The following LPP variants were observed in gnomAD, a reference collection of about 807,000 sequenced individuals.
The protein encoded by LPP is LIM domain containing preferred translocation partner in lipoma, also known as lipoma-preferred partner.
LPP carries 38 observed loss-of-function variants against 60.4 expected under a neutral mutation model. That is an observed-to-expected ratio of 0.63 (90% CI 0.49 to 0.83). LPP has a LOEUF of 0.83. Ranked by LOEUF, LPP falls within the 40% of genes least tolerant of loss-of-function variation. The pLI, the probability that LPP is intolerant of heterozygous loss-of-function variation, is 0.00. For synonymous variants in LPP, 328 were observed against 290.8 expected, an observed-to-expected ratio of 1.13 and a Z score of -1.30; for missense variants, 902 against 783.6, an observed-to-expected ratio of 1.15 and a Z score of -1.80.
chr3:188,854,975 T>C (rs768512850), intron 9 of LPP, among the ~76,000 whole-genome samples: 33 of 152,274 alleles, frequency 2.2e-4, no homozygotes, highest in Non-Finnish European at 4.3e-4. Context: ...TTAATTCTGA[T>C]CTGAAATGTG....
intron 1 of LPP, among the ~76,000 whole-genome samples, chr3:188,206,484 T>A (rs1009058480): frequency 6.6e-6 from 1 of 152,196 alleles, no homozygotes; most frequent in Non-Finnish European, 1.5e-5. Context: ...TATATATAAC[T>A]CTTGAGTGTT....
chr3:188,396,982 C>G lies in LPP; in HGVS notation c.-9-9130C>G, dbSNP rs538710201. ...AATTCACATTTTCTTGGTTACTTTG[C>G]CACGTGGAACAATTGTTATCAAATG... On this transcript the variant is annotated intron_variant, in intron 3 of 11. Transcript: ENST00000617246. 1.2e-4 allele frequency among the ~76,000 whole-genome samples: 18 copies of G among 152,298 alleles called. 3 individuals carry two copies. The highest frequency in any genetic ancestry group is 1.0e-3 in the South Asian group (5 of 4,828).
At chr3:188,548,452 A>G (rs940741499) in intron 6 of LPP, among the ~76,000 whole-genome samples, 1 of 152,140 alleles carries the variant, frequency 6.6e-6, no homozygotes, top group African/African-American at 2.4e-5. Flanking sequence ...TTTTAGAGGT[A>G]TCTATCATAT....
intron 4 of LPP, among the ~76,000 whole-genome samples, chr3:188,412,630 G>A (rs1244149557): frequency 1.3e-5 from 2 of 152,140 alleles, no homozygotes; most frequent in African/African-American, 2.4e-5. Context: ...GTTTATTAAA[G>A]CGTTGGCTAC....
At chr3:188,801,162 A>T (rs2151160517) in intron 9 of LPP, among the ~76,000 whole-genome samples, 1 of 152,276 alleles carries the variant, frequency 6.6e-6, no homozygotes, top group Middle Eastern at 3.4e-3. Context: ...TCTAAAAAAC[A>T]TTGCCATGGA....
At chr3:188,497,409 C>T (rs1265694571) in intron 5 of LPP, among the ~76,000 whole-genome samples, 1 of 152,132 alleles carries the variant, frequency 6.6e-6, no homozygotes, top group Non-Finnish European at 1.5e-5. Context: ...GTATTTTCTT[C>T]ATTATTCGTG....
rs543368798 is a variant in LPP, at chr3:188,532,381, TG to T, written c.429+7595del. Among the ~76,000 whole-genome samples the T allele has an allele frequency of 3.9e-3, 595 of 152,254 alleles. 1 individual carries two copies. Among genetic ancestry groups the T allele is most frequent in the Non-Finnish European group, 6.4e-3 (434 of 68,026 alleles). On this transcript the variant is annotated intron_variant, in intron 6 of 11. Coordinates refer to ENST00000617246, the MANE Select transcript of LPP (RefSeq NM_001375462.1). Reference sequence around the variant, plus strand: ...CAGAGGTTGCAGTGAGCCGAGATTGTGCCACTGCACTCCAGCCTGGGCAACA... The same window carrying T: ...CAGAGGTTGCAGTGAGCCGAGATTGTCCACTGCACTCCAGCCTGGGCAACA...
intron 2 of LPP, among the ~76,000 whole-genome samples, chr3:188,282,966 A>G (rs534439390): frequency 3.5e-4 from 54 of 152,296 alleles, no homozygotes; most frequent in Admixed American, 2.9e-3. Flanking sequence ...TAACTGTTAA[A>G]TTGAATTACT....
chr3:188,718,474 T>C (rs1364425269), intron 8 of LPP, among the ~76,000 whole-genome samples: 3 of 152,354 alleles, frequency 2.0e-5, no homozygotes, highest in African/African-American at 7.2e-5. Context: ...GAATTTTGTG[T>C]ATGTATTTTT....
chr3:188,345,151 A>G (rs556189004), intron 3 of LPP, among the ~76,000 whole-genome samples: 1 of 152,206 alleles, frequency 6.6e-6, no homozygotes, highest in Non-Finnish European at 1.5e-5. Flanking sequence ...ATCTTTAAGT[A>G]GAGAAATCTT....
chr3:188,194,332 A>G (rs1728958419), intron 1 of LPP, among the ~76,000 whole-genome samples: 2 of 152,192 alleles, frequency 1.3e-5, no homozygotes, highest in South Asian at 2.1e-4. Flanking sequence ...AGAAGGCAGA[A>G]TGGATCCAAA....
intron 3 of LPP, among the ~76,000 whole-genome samples, chr3:188,377,711 A>C (rs915711226): frequency 6.6e-6 from 1 of 152,112 alleles, no homozygotes; most frequent in Non-Finnish European, 1.5e-5. Flanking sequence ...CAACTTGTCA[A>C]AGTCATTCTC....
At chr3:188,848,096 A>G (rs1274702742) in intron 9 of LPP, among the ~76,000 whole-genome samples, 1 of 152,206 alleles carries the variant, frequency 6.6e-6, no homozygotes, top group East Asian at 1.9e-4. Flanking sequence ...GTTTATGATT[A>G]TATATCACAA....
chr3:188,258,186 TG>T (rs771511483), intron 2 of LPP, among the ~76,000 whole-genome samples: 21 of 152,240 alleles, frequency 1.4e-4, no homozygotes, highest in Non-Finnish European at 2.8e-4. Flanking sequence ...TAGGGATTAT[TG>T]TGATACTTGA....
intron 9 of LPP, among the ~76,000 whole-genome samples, chr3:188,792,212 G>C (rs907213537): frequency 3.3e-5 from 5 of 152,136 alleles, no homozygotes; most frequent in African/African-American, 7.2e-5. Context: ...TCAAGATTTT[G>C]TGTAACAGGG....
intron 8 of LPP, among the ~76,000 whole-genome samples, chr3:188,720,331 A>C (rs561843097): frequency 6.6e-6 from 1 of 152,342 alleles, no homozygotes; most frequent in South Asian, 2.1e-4. Context: ...GGCCAAGGAG[A>C]GAAAGCATTT....
chr3:188,453,413 C>G (rs139809361), intron 4 of LPP, among the ~76,000 whole-genome samples: 1 of 152,018 alleles, frequency 6.6e-6, no homozygotes, highest in Admixed American at 6.6e-5. Context: ...TGTATGATAC[C>G]GACCGGATCC....
chr3:188,372,853 C>T (rs554540936), intron 3 of LPP, among the ~76,000 whole-genome samples: 31 of 152,166 alleles, frequency 2.0e-4, no homozygotes, highest in African/African-American at 7.0e-4. Flanking sequence ...GCTATCCCTC[C>T]CACCTCCCCT....
intron 7 of LPP, among the ~76,000 whole-genome samples, chr3:188,683,749 T>C (rs771793276): frequency 1.3e-5 from 2 of 152,236 alleles, no homozygotes; most frequent in Middle Eastern, 3.2e-3. Context: ...GAGCATGATA[T>C]ACATTTGTGT....
Sources: allele counts gnomAD v4.1 joint callset (sites outside exome capture counted in the v4.1 genomes callset), GRCh38; gene constraint gnomAD v4.1.1; transcripts MANE v1.5; gene names NCBI Gene and HGNC (gene_info 2026-07-23, HGNC 2026-07-21).